KIF20B: variants seen among roughly 807,000 people sequenced by gnomAD.
KIF20B encodes kinesin-like protein KIF20B.
KIF20B carries 188 observed loss-of-function variants against 232.5 expected under a neutral mutation model. That is an observed-to-expected ratio of 0.81 (90% CI 0.72 to 0.91). The LOEUF (loss-of-function observed/expected upper bound fraction) is 0.91. Ranked by LOEUF, KIF20B falls within the 40% of genes least tolerant of loss-of-function variation. The pLI, the probability that KIF20B is intolerant of heterozygous loss-of-function variation, is 0.00. For synonymous variants in KIF20B, 712 were observed against 683.0 expected (o/e 1.04, Z -0.66); for missense variants, 2,154 against 2,055.9 (o/e 1.05, Z -0.92).
intron 21 of KIF20B, among the ~76,000 whole-genome samples, chr10:89,739,660 C>CCTT (rs752262756): frequency 7.2e-6 from 1 of 139,738 alleles, no homozygotes; most frequent in African/African-American, 2.6e-5. Flanking sequence ...GATTGGAGCA[C>CCTT]TTTTTTTTTT....
chr10:89,766,827 G>C (rs933580912), intron 29 of KIF20B, among the ~76,000 whole-genome samples: 1 of 151,702 alleles, frequency 6.6e-6, no homozygotes, highest in African/African-American at 2.4e-5. Flanking sequence ...GTTTTATGGA[G>C]TCTTACTAGT....
At position 89,710,964 on chromosome 10, in the gene KIF20B, C is replaced by T; in HGVS notation, c.494C>T (p.Thr165Ile). The stretch of plus-strand genomic sequence containing the variant: ...AACACAAAAATTCCTTTTGCAGGGA[C>T]AGAAGAAAATATTGGCATTCTGCCT... ...NSGKTYTFQGTEENIGILPRT... is the reference protein window; with the variant it reads ...NSGKTYTFQGIEENIGILPRT... The change falls in exon 6 of 33, where the codon ACA becomes ATA. Residue 165 changes from threonine to isoleucine, a missense_variant. Thr to Ile is a moderately conservative substitution (Grantham distance 89). Coordinates refer to ENST00000371728, the MANE Select transcript of KIF20B (RefSeq NM_001284259.2). The T allele has an allele frequency of 6.2e-7, 1 of 1,602,250 alleles. No homozygotes were observed. The highest frequency in any genetic ancestry group is 8.5e-7 in the Non-Finnish European group (1 of 1,176,612).
chr10:89,774,172 T>C lies in KIF20B; in HGVS notation c.*124T>C. 1 of 457,930 alleles carries C rather than the reference T, an allele frequency of 2.2e-6. No individual in the cohort carries two copies. Among genetic ancestry groups the C allele is most frequent in the Non-Finnish European group, 3.8e-6 (1 of 262,940 alleles). The allele number at this position is 457,930 out of a possible 1,614,324, so 28.4% of individuals were successfully genotyped here. ...ACTCTGCATATAGATTGCTGTTTTA[T>C]ACATAGTATAATTTTAATTCAATAA... On this transcript the variant is annotated 3_prime_UTR_variant, in exon 33 of 33. Transcript: ENST00000371728.
chr10:89,719,350 A>G (rs1003023947), intron 12 of KIF20B, 69 bp from the exon 13 acceptor site: 1 of 1,136,706 alleles, frequency 8.8e-7, no homozygotes, highest in Non-Finnish European at 1.2e-6. Context: ...TAAATTTATA[A>G]AATAATCATT....
chr10:89,724,089 G>T lies in KIF20B; in HGVS notation c.1848G>T (p.Arg616=). The T allele has an allele frequency of 6.7e-7, 1 of 1,491,702 alleles. No individual in the cohort carries two copies. The highest frequency in any genetic ancestry group is 2.5e-5 in the Admixed American group (1 of 40,080). The allele number at this position is 1,491,702 out of a possible 1,614,324, so 92.4% of individuals were successfully genotyped here. A position where few individuals can be genotyped will look rare whatever the true frequency, so the allele number is the denominator to read the frequency against. Residue 616 remains arginine (R), a synonymous_variant, in exon 14 of 33, where the codon CGG becomes CGT. Transcript: ENST00000371728. ...TQEFTQYWAQ[R]EADFKETLLQ... ...AGTTTACTCAGTATTGGGCTCAACG[G>T]GAAGCTGACTTTAAGTAAGTTATTT...
Position 89,743,601 on chromosome 10 carries a change from A to T in KIF20B, c.3916-207A>T, listed in dbSNP as rs183500953. On this transcript the variant is annotated intron_variant, in intron 21 of 32. Coordinates refer to ENST00000371728, the MANE Select transcript of KIF20B (RefSeq NM_001284259.2). ...AATGGAACAAGAAATTGAGTTTTTC[A>T]TATGCATTCTTCATTAGAGTATTAA... Among the ~76,000 whole-genome samples, 352 of 152,310 alleles carry T rather than the reference A, an allele frequency of 2.3e-3. 3 individuals carry two copies. The highest frequency in any genetic ancestry group is 7.8e-3 in the African/African-American group (326 of 41,574).
intron 16 of KIF20B, among the ~76,000 whole-genome samples, chr10:89,727,358 G>A (rs1275276369): frequency 3.3e-5 from 5 of 151,672 alleles, no homozygotes; most frequent in African/African-American, 1.2e-4. Context: ...GGGCTCAAGT[G>A]ATCCTTCCAC....
At chr10:89,759,030 C>T (rs1452246206) in intron 27 of KIF20B, 148 bp downstream of exon 27, 12 of 437,908 alleles carry the variant, frequency 2.7e-5, no homozygotes, top group Non-Finnish European at 4.7e-5. Flanking sequence ...GATTTAGAGT[C>T]TTGAAATTTA....
chr10:89,725,878 A>G (rs1843177279), intron 15 of KIF20B, among the ~76,000 whole-genome samples: 1 of 152,094 alleles, frequency 6.6e-6, no homozygotes, highest in Non-Finnish European at 1.5e-5. Flanking sequence ...TGCCTGTGAC[A>G]GTGATGTCCA....
At chr10:89,757,040 G>GTATGTGTATATATATATA (rs1554852904) in intron 26 of KIF20B, among the ~76,000 whole-genome samples, 16 of 110,748 alleles carry the variant, frequency 1.4e-4, no homozygotes, top group Admixed American at 5.8e-4. Flanking sequence ...GTGTGTGTGT[G>GTATGTGTATATATATATA]TATATATATA....
At chr10:89,729,730 A>G (rs1843277644) in intron 18 of KIF20B, among the ~76,000 whole-genome samples, 1 of 152,226 alleles carries the variant, frequency 6.6e-6, no homozygotes, top group Non-Finnish European at 1.5e-5. Flanking sequence ...ACACTGTGAC[A>G]TGTAAAGACT....
In KIF20B at chr10:89,710,990, C is replaced by A. The variant is rs200997811; in HGVS notation, c.520C>A (p.Arg174=). 1.9e-6 allele frequency: 3 copies of A among 1,605,970 alleles called. No individual in the cohort carries two copies. Among genetic ancestry groups the A allele is most frequent in the Non-Finnish European group, 2.5e-6 (3 of 1,177,448 alleles). ...GTEENIGILP[R]TLNVLFDSLQ... ...AGAAGAAAATATTGGCATTCTGCCT[C>A]GAACTTTGAATGTATTATTTGATAG... Residue 174 remains arginine, a synonymous_variant, in exon 6 of 33, where the codon CGA becomes AGA. Coordinates refer to ENST00000371728, the MANE Select transcript of KIF20B (RefSeq NM_001284259.2).
At chr10:89,760,781 G>A (rs988117119) in intron 28 of KIF20B, 145 bp downstream of exon 28, 1 of 533,956 alleles carries the variant, frequency 1.9e-6, no homozygotes, top group East Asian at 3.1e-5. Flanking sequence ...AGAGGCTTTT[G>A]AGGAGAGGTG....
chr10:89,757,854 T>C (rs1212007633), intron 26 of KIF20B, among the ~76,000 whole-genome samples: 1 of 151,832 alleles, frequency 6.6e-6, no homozygotes, highest in Non-Finnish European at 1.5e-5. Context: ...CATTTGGTTA[T>C]TCTGTTGTTC....
At chr10:89,729,927 A>T (rs1843282881) in intron 18 of KIF20B, among the ~76,000 whole-genome samples, 1 of 152,222 alleles carries the variant, frequency 6.6e-6, no homozygotes, top group African/African-American at 2.4e-5. Flanking sequence ...TAAGCTGAGT[A>T]AACTTAGAGC....
chr10:89,726,576 C>G (rs1843192182), intron 16 of KIF20B, 55 bp downstream of exon 16: 2 of 1,383,064 alleles, frequency 1.4e-6, no homozygotes, highest in Non-Finnish European at 9.7e-7. Flanking sequence ...AAAAAGTACT[C>G]TTGGTAAGTA....
At chr10:89,752,473 T>C in intron 24 of KIF20B, 94 bp from the exon 25 acceptor site, 1 of 869,806 alleles carries the variant, frequency 1.1e-6, no homozygotes, top group Non-Finnish European at 1.7e-6. Context: ...ATCTGGGCTC[T>C]ACTGATTTGT....
At chr10:89,735,974 C>A (rs1306100744) in intron 19 of KIF20B, among the ~76,000 whole-genome samples, 1 of 152,234 alleles carries the variant, frequency 6.6e-6, no homozygotes, top group East Asian at 1.9e-4. Context: ...TTGATTCTTA[C>A]ATAGTGAGGA....
intron 26 of KIF20B, 104 bp from the exon 27 acceptor site, chr10:89,758,598 ATCTT>A (rs1174912430): frequency 3.1e-6 from 2 of 641,836 alleles, no homozygotes; most frequent in Admixed American, 8.1e-5. Flanking sequence ...TTGTCTTGTA[ATCTT>A]GTTTGCAGCT....
Sources: allele counts gnomAD v4.1 joint callset (sites outside exome capture counted in the v4.1 genomes callset), GRCh38; gene constraint gnomAD v4.1.1; transcripts MANE v1.5; gene names NCBI Gene and HGNC (gene_info 2026-07-23, HGNC 2026-07-21).